Variants in DNAI3 observed in about 807,000 individuals in gnomAD.
DNAI3 encodes dynein axonemal intermediate chain 3, also known as WD repeat domain 63.
DNAI3 carries 83 observed loss-of-function variants against 115.5 expected under a neutral mutation model. The observed-to-expected ratio is 0.72, with a 90% CI of 0.60 to 0.86. The LOEUF is 0.86. Among genes scored for constraint, DNAI3 ranks in the 40% least tolerant of loss-of-function variants. DNAI3 has a pLI of 0.00. For synonymous variants in DNAI3, 320 were observed against 347.0 expected (o/e 0.92, Z 0.86); for missense variants, 1,004 against 1,075.8 (o/e 0.93, Z 0.93).
chr1:85,098,417 C>T, intron 12 of DNAI3, 113 bp from the exon 13 acceptor site: 1 of 1,278,794 alleles, frequency 7.8e-7, no homozygotes, highest in South Asian at 1.5e-5. Context: ...TATGTTTTTC[C>T]TTGAACTGGT....
In DNAI3 at chr1:85,128,808, C is replaced by A. The variant is rs368803889; in HGVS notation, c.2409+9C>A. 6.2e-7 allele frequency: 1 copy of A among 1,605,350 alleles called. No homozygotes were observed. The highest frequency in any genetic ancestry group is 8.5e-7 in the Non-Finnish European group (1 of 1,173,982). ...GCCCTTCCACCAATGAGGTTAGTAA[C>A]TAACTTATGACTTTGAGAATTAATG... On this transcript the variant is annotated intron_variant, in intron 21 of 22. Coordinates refer to ENST00000294664, the MANE Select transcript of DNAI3 (RefSeq NM_145172.5).
chr1:85,087,434 C>CAAAAAAAA (rs1162431713), intron 7 of DNAI3, among the ~76,000 whole-genome samples: 42 of 46,296 alleles, frequency 9.1e-4, no homozygotes, highest in African/African-American at 1.3e-3. Context: ...GACTCCATCT[C>CAAAAAAAA]AAAAAAAAAA....
chr1:85,094,652 T>A, intron 10 of DNAI3, 97 bp downstream of exon 10: 1 of 1,404,662 alleles, frequency 7.1e-7, no homozygotes, highest in Non-Finnish European at 9.6e-7. Context: ...TATAATCATG[T>A]AATGTTGTAA....
At chr1:85,076,021 T>C (rs1388609949) in intron 3 of DNAI3, among the ~76,000 whole-genome samples, 1 of 152,204 alleles carries the variant, frequency 6.6e-6, no homozygotes, top group African/African-American at 2.4e-5. Context: ...TGTCAAGGTG[T>C]CAGCAGGGCT....
At chr1:85,126,760 C>A in intron 20 of DNAI3, 45 bp downstream of exon 20, 1 of 1,604,420 alleles carries the variant, frequency 6.2e-7, no homozygotes, top group Non-Finnish European at 8.5e-7. Flanking sequence ...TTGGGTAACT[C>A]GGGAACATCT....
rs746844928 is a variant in DNAI3 at position 85,096,017 on chromosome 1, G to A, written c.1260G>A (p.Gly420=). 6.2e-7 allele frequency: 1 copy of A among 1,613,534 alleles called. No individual in the cohort carries two copies. The highest frequency in any genetic ancestry group is 8.5e-7 in the Non-Finnish European group (1 of 1,179,666). ...TCATTGCTGGAGGCTGTATCAATGG[G>A]CAGGTACTTAACAGAATTTTTTTCA... ...PNIIAGGCIN[G]QIVMWDITAH... is the part of the protein sequence containing the mutation. The change falls in exon 11 of 23, where the codon GGG becomes GGA. Residue 420 remains glycine, a synonymous_variant. Coordinates refer to ENST00000294664, the MANE Select transcript of DNAI3 (RefSeq NM_145172.5).
intron 20 of DNAI3, among the ~76,000 whole-genome samples, chr1:85,127,984 G>T (rs1002854511): frequency 6.6e-6 from 1 of 151,778 alleles, no homozygotes; most frequent in African/African-American, 2.4e-5. Flanking sequence ...AATTAGCCGG[G>T]CATGGTGCTA....
intron 1 of DNAI3, among the ~76,000 whole-genome samples, chr1:85,070,447 C>T (rs1407949172): frequency 2.6e-5 from 4 of 151,656 alleles, no homozygotes; most frequent in African/African-American, 7.3e-5. Flanking sequence ...CTGCCTATTG[C>T]GCTCTGTGTC....
chr1:85,076,865 T>G (rs1557707784), intron 3 of DNAI3, among the ~76,000 whole-genome samples: 1 of 152,174 alleles, frequency 6.6e-6, no homozygotes, highest in Non-Finnish European at 1.5e-5. Flanking sequence ...GCACAGGCTT[T>G]GGAATTAGGC....
intron 7 of DNAI3, 147 bp from the exon 8 acceptor site, chr1:85,089,969 G>C: frequency 2.8e-6 from 1 of 354,186 alleles, no homozygotes; most frequent in Admixed American, 4.7e-5. Flanking sequence ...CAGTTGTCTA[G>C]GATAAAGAAA....
rs1557705741 is a variant in DNAI3 at position 85,072,024 on chromosome 1, T to C, written c.64+19T>C. ...TTAGCTGGTAGGAATATTTCTTCAT[T>C]GAATGGGATTTTTTGTGGAGTATTT... is the stretch of plus-strand genomic sequence containing the variant. On this transcript the variant is annotated intron_variant, in intron 2 of 22. Coordinates refer to ENST00000294664, the MANE Select transcript of DNAI3 (RefSeq NM_145172.5). The C allele has an allele frequency of 1.2e-6, 2 of 1,600,440 alleles. No homozygotes were observed.
At chr1:85,084,476 AT>A in intron 5 of DNAI3, 69 bp from the exon 6 acceptor site, 2 of 1,063,924 alleles carry the variant, frequency 1.9e-6, no homozygotes, top group Non-Finnish European at 2.4e-6. Flanking sequence ...GTTGCAAAAT[AT>A]ATATATATAT....
chr1:85,086,030 G>T lies in DNAI3; in HGVS notation c.740G>T (p.Trp247Leu). Residue 247 changes from tryptophan (W) to leucine (L), a missense_variant and splice_region_variant, in exon 7 of 23, where the codon TGG becomes TTG. Around this residue, in one of 3 missense-constraint regions of DNAI3, gnomAD observed 550 missense variants for 568.1 expected, o/e 0.97. Transcript: ENST00000294664. Reference sequence around the variant, plus strand: ...AAGGACATAAGCACTCAGACAAAATGGTAAGTATGTGATGGGTGTATGTAA... The same window carrying T: ...AAGGACATAAGCACTCAGACAAAATTGTAAGTATGTGATGGGTGTATGTAA... Reference protein sequence around the residue: ...QIKDISTQTKWTYPKNATTQY... With the variant: ...QIKDISTQTKLTYPKNATTQY... The T allele has an allele frequency of 6.2e-7, 1 of 1,613,724 alleles. No individual in the cohort carries two copies. The highest frequency in any genetic ancestry group is 1.1e-5 in the South Asian group (1 of 90,992).
chr1:85,065,345 T>G (rs550373711), intron 1 of DNAI3, among the ~76,000 whole-genome samples: 11 of 152,094 alleles, frequency 7.2e-5, no homozygotes, highest in Non-Finnish European at 1.6e-4. Context: ...TAAAATAAAA[T>G]GTTTATTTGA....
At chr1:85,126,447 G>A in intron 19 of DNAI3, 64 bp from the exon 20 acceptor site, 1 of 1,502,826 alleles carries the variant, frequency 6.7e-7, no homozygotes, top group East Asian at 2.4e-5. Flanking sequence ...TGAACAGCAT[G>A]GTGAATTTCC....
chr1:85,087,075 C>T (rs1287993936), intron 7 of DNAI3, among the ~76,000 whole-genome samples: 1 of 152,046 alleles, frequency 6.6e-6, no homozygotes, highest in Non-Finnish European at 1.5e-5. Context: ...AATGCTCTTC[C>T]CTTGTGCTTA....
chr1:85,101,762 C>T (rs1446516247), intron 13 of DNAI3, among the ~76,000 whole-genome samples: 1 of 113,662 alleles, frequency 8.8e-6, no homozygotes, highest in South Asian at 2.9e-4. Context: ...AGGAAAATAA[C>T]AAATCATACA....
intron 13 of DNAI3, among the ~76,000 whole-genome samples, chr1:85,099,776 A>G (rs545264852): frequency 1.3e-5 from 2 of 152,252 alleles, no homozygotes; most frequent in Non-Finnish European, 2.9e-5. Context: ...AAACAGAGAT[A>G]TAGATCAATG....
intron 16 of DNAI3, among the ~76,000 whole-genome samples, chr1:85,113,393 A>G (rs368791521): frequency 2.0e-5 from 3 of 152,034 alleles, no homozygotes; most frequent in East Asian, 3.8e-4. Flanking sequence ...AATTTTTGTA[A>G]TTGGTATATG....
Sources: allele counts gnomAD v4.1 joint callset (sites outside exome capture counted in the v4.1 genomes callset), GRCh38; gene constraint gnomAD v4.1.1; regional missense constraint gnomAD v4.1.1; transcripts MANE v1.5; gene names NCBI Gene and HGNC (gene_info 2026-07-23, HGNC 2026-07-21).